The following KYNU variants were observed in gnomAD, a reference collection of about 807,000 sequenced individuals.
The protein encoded by KYNU is L-kynurenine hydrolase.
Under a neutral mutation model 59.2 loss-of-function variants are expected in KYNU, and 54 were observed. The observed-to-expected ratio is 0.91, with a 90% CI of 0.73 to 1.14. The LOEUF is 1.14. Among genes scored for constraint, KYNU ranks in the 50% most tolerant of loss-of-function variants. The pLI is 0.00. For synonymous variants in KYNU, 177 were observed against 192.0 expected (o/e 0.92, Z 0.65); for missense variants, 567 against 554.4 (o/e 1.02, Z -0.23).
At chr2:142,943,884 A>G (rs570057421) in intron 4 of KYNU, among the ~76,000 whole-genome samples, 1 of 152,186 alleles carries the variant, frequency 6.6e-6, no homozygotes, top group East Asian at 1.9e-4. Context: ...CAAATCCACA[A>G]TAACATTTGC....
Position 143,049,773 on chromosome 2 carries a change from C to G in KYNU, c.*7601C>G, listed in dbSNP as rs1687233414. ...CCATATCTAATATATAATGAATGTA[C>G]AGTTGTTTCTGTTGGAGTTCACATA... On this transcript the variant is annotated 3_prime_UTR_variant, in exon 14 of 14. Coordinates refer to ENST00000264170, the MANE Select transcript of KYNU (RefSeq NM_003937.3). 6.6e-6 allele frequency: 1 copy of G among 152,186 alleles called. No individual in the cohort carries two copies. The highest frequency in any genetic ancestry group is 2.1e-4 in the South Asian group (1 of 4,814). The allele number at this position is 152,186 out of a possible 1,614,324, so 9.4% of individuals were successfully genotyped here. A position where few individuals can be genotyped will look rare whatever the true frequency, so the allele number is the denominator to read the frequency against.
intron 10 of KYNU, among the ~76,000 whole-genome samples, chr2:142,994,224 G>A (rs1368946429): frequency 6.6e-6 from 1 of 151,966 alleles, no homozygotes; most frequent in Non-Finnish European, 1.5e-5. Context: ...AATCCATGCT[G>A]TGTGAAGCAG....
chr2:142,955,978 G>A (rs945078653), intron 5 of KYNU, among the ~76,000 whole-genome samples: 5 of 151,990 alleles, frequency 3.3e-5, no homozygotes, highest in African/African-American at 7.2e-5. Flanking sequence ...ATTTTCCCCC[G>A]AGTTTGCTGT....
chr2:143,007,260 G>A (rs1685939437), intron 10 of KYNU, among the ~76,000 whole-genome samples: 1 of 149,650 alleles, frequency 6.7e-6, no homozygotes, highest in Admixed American at 6.6e-5. Context: ...CATGAAGAAT[G>A]CAGAAGCCTC....
At position 143,040,406 on chromosome 2, in the gene KYNU, C is replaced by T. The variant is rs1197312307; in HGVS notation, c.1042-22C>T. 27 of 1,565,300 alleles carry T rather than the reference C, an allele frequency of 1.7e-5. No individual in the cohort carries two copies. The Admixed American group carries it at 4.5e-4, about 26-fold the overall frequency. ...TTGTAAATCAATAAGACACTTTAATCTGATTGTTTCTCATTCCACAGATCT... is the reference window on the plus strand; with the variant it reads ...TTGTAAATCAATAAGACACTTTAATTTGATTGTTTCTCATTCCACAGATCT... On this transcript the variant is annotated intron_variant, in intron 12 of 13. Transcript: ENST00000264170.
chr2:143,044,455 GTAAAAGCA>G lies in KYNU; in HGVS notation c.*2285_*2292del, dbSNP rs1687132238. On this transcript the variant is annotated 3_prime_UTR_variant, in exon 14 of 14. Coordinates refer to ENST00000264170, the MANE Select transcript of KYNU (RefSeq NM_003937.3). ...ACTAATTTATACTCCCACCAACAGT[GTAAAAGCA>G]TTCCTATTTCTCCACATCCTCTCAG... 6.6e-6 allele frequency: 1 copy of G among 152,184 alleles called. No homozygotes were observed. The highest frequency in any genetic ancestry group is 2.4e-5 in the African/African-American group (1 of 41,450). The allele number at this position is 152,184 out of a possible 1,614,324, so 9.4% of individuals were successfully genotyped here.
rs2105087859 is a variant in KYNU at position 142,956,287 on chromosome 2, T to G, written c.507+13T>G. 1 of 1,520,088 alleles carries G rather than the reference T, an allele frequency of 6.6e-7. No individual in the cohort carries two copies. The highest frequency in any genetic ancestry group is 9.1e-7 in the Non-Finnish European group (1 of 1,095,378). The allele number at this position is 1,520,088 out of a possible 1,614,324, so 94.2% of individuals were successfully genotyped here. Reference sequence around the variant, plus strand: ...CCCTTCTGATCATGTAAGGACTTCTTCAAATTGTATTTATGTTCTTTCTAC... The same window carrying G: ...CCCTTCTGATCATGTAAGGACTTCTGCAAATTGTATTTATGTTCTTTCTAC... On this transcript the variant is annotated intron_variant, in intron 6 of 13. Coordinates refer to ENST00000264170, the MANE Select transcript of KYNU (RefSeq NM_003937.3).
At chr2:142,969,006 A>AT (rs925268526) in intron 8 of KYNU, among the ~76,000 whole-genome samples, 56 of 152,070 alleles carry the variant, frequency 3.7e-4, no homozygotes, top group African/African-American at 1.1e-3. Context: ...CATGCACACA[A>AT]TTTTTTTTAT....
intron 2 of KYNU, among the ~76,000 whole-genome samples, chr2:142,912,371 C>CTTTTTTTTTTTT (rs60854220): frequency 6.7e-4 from 60 of 89,514 alleles, no homozygotes; most frequent in African/African-American, 1.2e-3. Context: ...TTTTGTATTT[C>CTTTTTTTTTTTT]TTTTTTTTTT....
intron 5 of KYNU, among the ~76,000 whole-genome samples, 154 bp from the exon 6 acceptor site, chr2:142,956,049 G>C (rs1437395410): frequency 6.6e-6 from 1 of 152,048 alleles, no homozygotes; most frequent in Non-Finnish European, 1.5e-5. Flanking sequence ...TGGAAACATG[G>C]CTAATTGAAA....
chr2:142,911,711 G>C (rs1408285225), intron 2 of KYNU, among the ~76,000 whole-genome samples: 1 of 152,102 alleles, frequency 6.6e-6, no homozygotes, highest in Admixed American at 6.5e-5. Context: ...TTGTTTTGCG[G>C]TATGTTCCTT....
At chr2:142,967,806 A>T (rs1230401547) in intron 8 of KYNU, among the ~76,000 whole-genome samples, 1 of 152,172 alleles carries the variant, frequency 6.6e-6, no homozygotes, top group African/African-American at 2.4e-5. Flanking sequence ...AACTGTCGTA[A>T]TATTATAATA....
chr2:143,015,862 G>A (rs7573514), intron 10 of KYNU, among the ~76,000 whole-genome samples: 32,552 of 152,098 alleles, frequency 0.21, 3,998 homozygotes, highest in African/African-American at 0.32. Context: ...CAGAACGTCA[G>A]TTTCAACAGT....
At chr2:142,988,975 C>T in intron 10 of KYNU, 2 of 1,171,052 alleles carry the variant, frequency 1.7e-6, no homozygotes, top group Non-Finnish European at 2.5e-6. Context: ...AACTTTGTGT[C>T]CCTTAGTGTG....
chr2:142,917,606 T>TG (rs1353954304), intron 2 of KYNU, among the ~76,000 whole-genome samples: 1 of 152,180 alleles, frequency 6.6e-6, no homozygotes, highest in Non-Finnish European at 1.5e-5. Flanking sequence ...CTGGCTGACA[T>TG]GATAACCTTG....
chr2:143,051,583 G>T lies in KYNU; in HGVS notation c.*9411G>T, dbSNP rs1573930202. Reference sequence around the variant, plus strand: ...CTGGTAAGAGGTAATTGAATCATGGGGGCAGGACTTTCCCATGATGTTCTC... The same window carrying T: ...CTGGTAAGAGGTAATTGAATCATGGTGGCAGGACTTTCCCATGATGTTCTC... On this transcript the variant is annotated 3_prime_UTR_variant, in exon 14 of 14. Coordinates refer to ENST00000264170, the MANE Select transcript of KYNU (RefSeq NM_003937.3). The T allele has an allele frequency of 6.6e-6, 1 of 151,974 alleles. No homozygotes were observed. The highest frequency in any genetic ancestry group is 1.9e-4 in the East Asian group (1 of 5,194). 9.4% of individuals were successfully genotyped at this position (151,974 alleles called of 1,614,324 possible). A position where few individuals can be genotyped will look rare whatever the true frequency, so the allele number is the denominator to read the frequency against.
rs534520922 is a variant in KYNU at position 142,935,808 on chromosome 2, G to A, written c.373+8067G>A. 9.9e-5 allele frequency among the ~76,000 whole-genome samples: 15 copies of A among 152,276 alleles called. No individual in the cohort carries two copies. The South Asian group carries it at 1.2e-3, about 13-fold the overall frequency. On this transcript the variant is annotated intron_variant, in intron 4 of 13. Transcript: ENST00000264170. ...AGTGGTTCCTGCTGAGGGTATGAAG[G>A]GGGAAGGGAGTTGAGTTGATAAGCA...
intron 10 of KYNU, among the ~76,000 whole-genome samples, chr2:143,017,434 CT>C (rs1184177776): frequency 4.4e-5 from 3 of 68,448 alleles, no homozygotes; most frequent in Non-Finnish European, 7.8e-5. Flanking sequence ...TCTCTTTTTT[CT>C]TTTTTTTTTT....
chr2:142,943,915 A>G (rs1683689490), intron 4 of KYNU, among the ~76,000 whole-genome samples: 1 of 152,246 alleles, frequency 6.6e-6, no homozygotes, highest in Non-Finnish European at 1.5e-5. Flanking sequence ...TAAAATATAC[A>G]GAACATTGTA....
Sources: gnomAD v4.1 joint callset for allele counts (sites outside exome capture counted in the v4.1 genomes callset) on GRCh38, gnomAD v4.1.1 for gene constraint, MANE v1.5 for transcripts, NCBI Gene and HGNC (gene_info 2026-07-23, HGNC 2026-07-21) for gene names.